Variants in TNFRSF18 observed in about 807,000 individuals in gnomAD.
TNFRSF18 encodes TNF receptor superfamily member 18.
Under a neutral mutation model 30.2 loss-of-function variants are expected in TNFRSF18, and 36 were observed. The observed-to-expected ratio is 1.19, with a 90% CI of 0.91 to 1.58. TNFRSF18 has a LOEUF of 1.58. Ranked by LOEUF, TNFRSF18 falls within the 40% of genes most tolerant of loss-of-function variation. TNFRSF18 has a pLI of 0.00. For missense variants in TNFRSF18, 369 were observed against 345.4 expected (o/e 1.07, Z -0.54); for synonymous variants, 173 against 158.3 (o/e 1.09, Z -0.70).
chr1:1,204,503 G>GGGGA lies in TNFRSF18; in HGVS notation c.311-21_311-18dup, dbSNP rs767909012. ...TGAATTTCCCTGGTGTGGGGTGTGG[G>GGGGA]GGGAGGGAGGGAGGGAGGCTGGTGG... is the stretch of plus-strand genomic sequence containing the variant. On this transcript the variant is annotated splice_polypyrimidine_tract_variant and intron_variant, in intron 2 of 4. Coordinates refer to ENST00000379268, the MANE Select transcript of TNFRSF18 (RefSeq NM_004195.3). 8 of 1,527,956 alleles carry GGGGA rather than the reference G, an allele frequency of 5.2e-6. No individual in the cohort carries two copies. The highest frequency in any genetic ancestry group is 7.2e-6 in the Non-Finnish European group (8 of 1,104,618). The allele number at this position is 1,527,956 out of a possible 1,614,324, so 94.6% of individuals were successfully genotyped here. A position where few individuals can be genotyped will look rare whatever the true frequency, so the allele number is the denominator to read the frequency against.
In TNFRSF18 at chr1:1,204,005, C is replaced by T. The variant is rs1183824416; in HGVS notation, c.601+29G>A. 3.7e-6 allele frequency: 6 copies of T among 1,607,596 alleles called. No individual in the cohort carries two copies. In the African/African-American group the frequency reaches 8.0e-5, roughly 21 times the overall value. ...CCACGGTCAGCAGGCAGCCATGCTC[C>T]CACCTCCCCGCACCAGGCTGTGACA... On this transcript the variant is annotated intron_variant, in intron 4 of 4. Coordinates refer to ENST00000379268, the MANE Select transcript of TNFRSF18 (RefSeq NM_004195.3).
In TNFRSF18 at chr1:1,203,856, G is replaced by A; in HGVS notation, c.714C>T (p.Asp238=). 1 of 1,594,882 alleles carries A rather than the reference G, an allele frequency of 6.3e-7. No homozygotes were observed. The highest frequency in any genetic ancestry group is 8.5e-7 in the Non-Finnish European group (1 of 1,175,414). The change falls in exon 5 of 5, where the codon GAC becomes GAT. Residue 238 remains aspartate, a synonymous_variant. Coordinates refer to ENST00000379268, the MANE Select transcript of TNFRSF18 (RefSeq NM_004195.3). ...AGGACGGCCAGGCTCACACCCACAG[G>A]TCTCCCAGCCGCCCCTTCTCCTCTG... ...RSAEEKGRLG[D]LWV
intron 2 of TNFRSF18, among the ~76,000 whole-genome samples, chr1:1,204,718 C>T (rs576984988): frequency 2.0e-5 from 3 of 152,194 alleles, no homozygotes; most frequent in Admixed American, 6.5e-5. Context: ...GGGGGAGGTG[C>T]GCAGAGTGCA....
chr1:1,205,518 C>T (rs1423211035), intron 1 of TNFRSF18, 26 bp from the exon 2 acceptor site: 2 of 1,604,562 alleles, frequency 1.2e-6, no homozygotes, highest in South Asian at 2.2e-5. Context: ...GCCAGCCCCC[C>T]AGCAGCTGGG....
Position 1,203,578 on chromosome 1 carries a change from A to G in TNFRSF18, c.*266T>C. 1.3e-6 allele frequency: 2 copies of G among 1,496,832 alleles called. No individual in the cohort carries two copies. The highest frequency in any genetic ancestry group is 1.8e-6 in the Non-Finnish European group (2 of 1,131,700). The allele number at this position is 1,496,832 out of a possible 1,614,324, so 92.7% of individuals were successfully genotyped here. On this transcript the variant is annotated 3_prime_UTR_variant, in exon 5 of 5. Coordinates refer to ENST00000379268, the MANE Select transcript of TNFRSF18 (RefSeq NM_004195.3). ...TGCTGGGCACTGCACACCCACGGAC[A>G]CAGCCTCCCGTCCTAAGACCCCACC...
In TNFRSF18 at chr1:1,204,095, CAGG is replaced by C. The variant is rs927947804; in HGVS notation, c.537_539del (p.Leu180del). The stretch of plus-strand genomic sequence containing the variant: ...TGTGCAGTCCAAGCTGGGCCGAGGT[CAGG>C]AGGAGGACGCAGGCGGCCACGGCCA... On this transcript the variant is annotated inframe_deletion, in exon 4 of 5. Coordinates refer to ENST00000379268, the MANE Select transcript of TNFRSF18 (RefSeq NM_004195.3). The C allele has an allele frequency of 6.2e-7, 1 of 1,609,326 alleles. No homozygotes were observed. Among genetic ancestry groups the C allele is most frequent in the African/African-American group, 1.3e-5 (1 of 74,868 alleles).
At chr1:1,205,115 G>T (rs186888429) in intron 2 of TNFRSF18, among the ~76,000 whole-genome samples, 3 of 151,794 alleles carry the variant, frequency 2.0e-5, no homozygotes, top group African/African-American at 7.3e-5. Flanking sequence ...CCTGGAACCC[G>T]CCCCCACCTC....
chr1:1,203,734 G>C lies in TNFRSF18; in HGVS notation c.*110C>G, dbSNP rs377051578. 3 of 1,560,062 alleles carry C rather than the reference G, an allele frequency of 1.9e-6. No individual in the cohort carries two copies. The Admixed American group carries it at 5.5e-5, about 29-fold the overall frequency. On this transcript the variant is annotated 3_prime_UTR_variant, in exon 5 of 5. Coordinates refer to ENST00000379268, the MANE Select transcript of TNFRSF18 (RefSeq NM_004195.3). Reference sequence around the variant, plus strand: ...CTGCCACCTTCCTGCACCCACTTCTGCTGCCAGGGGAGCAGGGCCCGGCCC... The same window carrying C: ...CTGCCACCTTCCTGCACCCACTTCTCCTGCCAGGGGAGCAGGGCCCGGCCC...
In TNFRSF18 at chr1:1,203,519, G is replaced by A; in HGVS notation, c.*325C>T. On this transcript the variant is annotated 3_prime_UTR_variant, in exon 5 of 5. Coordinates refer to ENST00000379268, the MANE Select transcript of TNFRSF18 (RefSeq NM_004195.3). The stretch of plus-strand genomic sequence containing the variant: ...TGCATCCACTCAGGTCACTGGACAA[G>A]TGTTTATTGAAGGTCCCCTGCAGCC... 1 of 1,418,226 alleles carries A rather than the reference G, an allele frequency of 7.1e-7. No individual in the cohort carries two copies. The allele number at this position is 1,418,226 out of a possible 1,614,324, so 87.9% of individuals were successfully genotyped here. A position where few individuals can be genotyped will look rare whatever the true frequency, so the allele number is the denominator to read the frequency against.
chr1:1,205,582 G>T, intron 1 of TNFRSF18, 90 bp from the exon 2 acceptor site: 1 of 1,424,978 alleles, frequency 7.0e-7, no homozygotes, highest in Non-Finnish European at 9.6e-7. Flanking sequence ...GAGTGAGGTT[G>T]TCCGTTCTCC....
At position 1,204,235 on chromosome 1, in the gene TNFRSF18, A is replaced by T; in HGVS notation, c.400T>A (p.Cys134Ser). ...ACAGTGAGAAACCCGAACTGGGTGC[A>T]GCTGGAATACATGGACGCGGCCTCC... Reference protein sequence around the residue: ...HEGHCKPWTDCTQFGFLTVFP... With the variant: ...HEGHCKPWTDSTQFGFLTVFP... The change falls in exon 4 of 5, where the codon TGC becomes AGC. Residue 134 changes from cysteine (C) to serine (S), a missense_variant and splice_region_variant. Coordinates refer to ENST00000379268, the MANE Select transcript of TNFRSF18 (RefSeq NM_004195.3). The T allele has an allele frequency of 2.5e-6, 4 of 1,610,422 alleles. No individual in the cohort carries two copies. In the South Asian group the frequency reaches 4.4e-5, roughly 18 times the overall value.
chr1:1,204,503 G>C lies in TNFRSF18; in HGVS notation c.311-17C>G. 2 of 1,528,062 alleles carry C rather than the reference G, an allele frequency of 1.3e-6. No individual in the cohort carries two copies. Among genetic ancestry groups the C allele is most frequent in the Non-Finnish European group, 1.8e-6 (2 of 1,104,610 alleles). 94.7% of individuals were successfully genotyped at this position (1,528,062 alleles called of 1,614,324 possible). A position where few individuals can be genotyped will look rare whatever the true frequency, so the allele number is the denominator to read the frequency against. ...TGAATTTCCCTGGTGTGGGGTGTGG[G>C]GGGAGGGAGGGAGGGAGGCTGGTGG... On this transcript the variant is annotated splice_polypyrimidine_tract_variant and intron_variant, in intron 2 of 4. Transcript: ENST00000379268.
Position 1,206,383 on chromosome 1 carries a change from A to C in TNFRSF18, c.187+2T>G. 6.5e-7 allele frequency: 1 copy of C among 1,546,746 alleles called. No individual in the cohort carries two copies. Among genetic ancestry groups the C allele is most frequent in the South Asian group, 1.2e-5 (1 of 83,918 alleles). ...CGCGTTAAGTAAACGCGGTTTACTT[A>C]CCCGGGTAATCGCGGCAGCAGCGCG... On this transcript the variant is annotated splice_donor_variant, in intron 1 of 4. Transcript: ENST00000379268. LOFTEE classifies it high-confidence loss of function.
rs773489494 is a variant in TNFRSF18, at chr1:1,205,381, AC to A, written c.298del (p.Val100TyrfsTer67). On this transcript the variant is annotated frameshift_variant, in exon 2 of 5. Coordinates refer to ENST00000379268, the MANE Select transcript of TNFRSF18 (RefSeq NM_004195.3). LOFTEE classifies it high-confidence loss of function. Reference protein sequence around the residue: ...RHHPCPPGQGVQSQGKFSFGF... With the variant: ...RHHPCPPGQGXQSQGKFSFGF... ...CCTCCAGGACTTACCCTGGGACTGT[AC>A]CCCCTGGCCTGGGGGACAAGGGTGG... 42 of 1,611,966 alleles carry A rather than the reference AC, an allele frequency of 2.6e-5. No homozygotes were observed. In the African/African-American group the frequency reaches 4.5e-4, roughly 17 times the overall value.
At position 1,204,124 on chromosome 1, in the gene TNFRSF18, G is replaced by A. The variant is rs142727355; in HGVS notation, c.511C>T (p.Leu171=). ...EPLGWLTVVL[L]AVAACVLLLT... ...AGGAGGACGCAGGCGGCCACGGCCA[G>A]GAGGACGACGGTCAGCCACCCAAGC... is the stretch of plus-strand genomic sequence containing the variant. Residue 171 remains leucine, a synonymous_variant, in exon 4 of 5, where the codon CTG becomes TTG. Coordinates refer to ENST00000379268, the MANE Select transcript of TNFRSF18 (RefSeq NM_004195.3). The A allele has an allele frequency of 3.7e-4, 591 of 1,611,358 alleles. No homozygotes were observed. The highest frequency in any genetic ancestry group is 4.5e-4 in the Non-Finnish European group (531 of 1,179,430).
chr1:1,205,255 TCCGGACCCCACACACCACATGTCCTCG>T, intron 2 of TNFRSF18, 88 bp downstream of exon 2: 1 of 1,491,572 alleles, frequency 6.7e-7, no homozygotes, highest in Non-Finnish European at 9.1e-7. Context: ...CTCACAGGAC[TCCGGACCCCACACACCACATGTCCTCG>T]CCGGACACCT....
Position 1,204,874 on chromosome 1 carries a change from C to T in TNFRSF18, c.311-388G>A, listed in dbSNP as rs1367660244. 2.0e-5 allele frequency among the ~76,000 whole-genome samples: 3 copies of T among 152,130 alleles called. No homozygotes were observed. The East Asian group carries it at 5.8e-4, about 29-fold the overall frequency. ...GGTCCCAGTTGACCCCAGACCCTGC[C>T]CCGTCCAACCTGACACAACCTCCCC... On this transcript the variant is annotated intron_variant, in intron 2 of 4. Transcript: ENST00000379268.
In TNFRSF18 at chr1:1,206,533, C is replaced by T. The variant is rs1439887604; in HGVS notation, c.39G>A (p.Leu13=). Residue 13 remains leucine (L), a synonymous_variant, in exon 1 of 5, where the codon CTG becomes CTA. Transcript: ENST00000379268. ...GCGCGCACAGCAGCGCCAGGCCGCA[C>T]AGGGCCCGAAACGCGCCCATCGCCC... is the stretch of plus-strand genomic sequence containing the variant. ...QHGAMGAFRA[L]CGLALLCALS... 2 of 1,531,126 alleles carry T rather than the reference C, an allele frequency of 1.3e-6. No individual in the cohort carries two copies. The highest frequency in any genetic ancestry group is 1.2e-5 in the South Asian group (1 of 81,398). The allele number at this position is 1,531,126 out of a possible 1,614,324, so 94.8% of individuals were successfully genotyped here.
At position 1,203,852 on chromosome 1, in the gene TNFRSF18, A is replaced by G. The variant is rs1648657512; in HGVS notation, c.718T>C (p.Trp240Arg). ...CCGGAGGACGGCCAGGCTCACACCC[A>G]CAGGTCTCCCAGCCGCCCCTTCTCC... ...AEEKGRLGDL[W>R]V Residue 240 changes from tryptophan to arginine, a missense_variant, in exon 5 of 5, where the codon TGG becomes CGG. Physicochemically the swap from Trp to Arg is moderately radical, Grantham distance 101. Coordinates refer to ENST00000379268, the MANE Select transcript of TNFRSF18 (RefSeq NM_004195.3). 1.3e-6 allele frequency: 2 copies of G among 1,594,370 alleles called. No homozygotes were observed. Among genetic ancestry groups the G allele is most frequent in the Non-Finnish European group, 1.7e-6 (2 of 1,175,244 alleles).
Sources: allele counts gnomAD v4.1 joint callset (sites outside exome capture counted in the v4.1 genomes callset), GRCh38; gene constraint gnomAD v4.1.1; transcripts MANE v1.5; gene names NCBI Gene and HGNC (gene_info 2026-07-23, HGNC 2026-07-21).